LINGO2: variants seen among roughly 807,000 people sequenced by gnomAD.
The protein encoded by LINGO2 is leucine-rich repeat and immunoglobulin-like domain-containing nogo receptor-interacting protein 2.
LINGO2 carries 14 observed loss-of-function variants against 30.6 expected under a neutral mutation model. The ratio of observed to expected loss-of-function variants is 0.46; its 90% CI spans 0.30 to 0.72. The LOEUF is 0.72. LINGO2 is among the 30% of genes least tolerant of loss of function. The probability of loss-of-function intolerance (pLI) is 0.07; values close to 1 mark genes in which losing one functional copy is unlikely to be tolerated. For synonymous variants in LINGO2, 317 were observed against 288.5 expected (o/e 1.10, Z -1.00); for missense variants, 729 against 751.7 (o/e 0.97, Z 0.35).
chr9:29,031,990 A>G, the LINGO2 span, among the ~76,000 whole-genome samples: 1 of 152,158 alleles, frequency 6.6e-6, no homozygotes, highest in Non-Finnish European at 1.5e-5. Flanking sequence ...TTTGTCCCTC[A>G]AGGGCTTTCC....
chr9:29,074,272 A>G, the LINGO2 span, among the ~76,000 whole-genome samples: 1 of 150,822 alleles, frequency 6.6e-6, no homozygotes, highest in African/African-American at 2.4e-5. Flanking sequence ...AATAGATCAA[A>G]TGTTATCATC....
intron 4 of LINGO2, among the ~76,000 whole-genome samples, chr9:28,239,443 C>T (rs1181796170): frequency 6.6e-6 from 1 of 151,992 alleles, no homozygotes; most frequent in Non-Finnish European, 1.5e-5. Context: ...TCATCATGAC[C>T]AAGTAGGATT....
the LINGO2 span, among the ~76,000 whole-genome samples, chr9:28,718,179 A>G: frequency 8.3e-5 from 12 of 144,810 alleles, no homozygotes; most frequent in Admixed American, 6.2e-4. Flanking sequence ...AGTATAAAGG[A>G]AAAAAAAAAA....
downstream of LINGO2, among the ~76,000 whole-genome samples, chr9:27,947,367 T>A (rs1587501586): frequency 6.6e-6 from 1 of 152,234 alleles, no homozygotes; most frequent in East Asian, 1.9e-4. Context: ...TGGATAAGTA[T>A]CCTTGGGTCA....
chr9:29,204,258 C>T, the LINGO2 span, among the ~76,000 whole-genome samples: 2 of 152,180 alleles, frequency 1.3e-5, no homozygotes, highest in Non-Finnish European at 1.5e-5. Context: ...GCTGAATGCT[C>T]ACTAGGAACC....
intron 2 of LINGO2, among the ~76,000 whole-genome samples, chr9:28,455,123 T>C (rs867992611): frequency 1.3e-5 from 2 of 152,094 alleles, no homozygotes; most frequent in South Asian, 2.1e-4. Context: ...CTTCTGTTTG[T>C]CTTGTAGGAA....
chr9:28,962,861 C>T, the LINGO2 span, among the ~76,000 whole-genome samples: 2 of 151,852 alleles, frequency 1.3e-5, no homozygotes, highest in African/African-American at 4.8e-5. Context: ...GATTTACCCA[C>T]ACATTCATTA....
intron 1 of LINGO2, among the ~76,000 whole-genome samples, chr9:28,630,848 G>T (rs1458538271): frequency 6.7e-6 from 1 of 149,348 alleles, no homozygotes; most frequent in East Asian, 2.0e-4. Flanking sequence ...GTAACCCTCA[G>T]AATCAAAACA....
At chr9:29,071,367 T>C in the LINGO2 span, among the ~76,000 whole-genome samples, 5 of 150,560 alleles carry the variant, frequency 3.3e-5, no homozygotes, top group Non-Finnish European at 5.9e-5. Context: ...AAAGTCATTT[T>C]AAATATATAA....
At chr9:28,460,820 T>TG (rs1825049295) in intron 2 of LINGO2, among the ~76,000 whole-genome samples, 2 of 151,812 alleles carry the variant, frequency 1.3e-5, no homozygotes, top group South Asian at 4.2e-4. Context: ...GGTTTGTGTG[T>TG]GGGGGGAGGG....
chr9:28,399,072 A>T (rs920235092), intron 2 of LINGO2, among the ~76,000 whole-genome samples: 3 of 152,200 alleles, frequency 2.0e-5, no homozygotes, highest in African/African-American at 7.2e-5. Context: ...CACCTCCTCC[A>T]TCATCAGTAG....
downstream of LINGO2, among the ~76,000 whole-genome samples, chr9:27,945,921 T>G (rs1271640517): frequency 6.6e-6 from 1 of 152,172 alleles, no homozygotes; most frequent in Admixed American, 6.5e-5. Context: ...TGAAAATATC[T>G]GGTCAATATA....
At chr9:28,053,599 C>T (rs1479070337) in intron 4 of LINGO2, among the ~76,000 whole-genome samples, 1 of 152,064 alleles carries the variant, frequency 6.6e-6, no homozygotes, top group Non-Finnish European at 1.5e-5. Flanking sequence ...TGTGGCCAGT[C>T]TCAGGGTTTG....
intron 3 of LINGO2, among the ~76,000 whole-genome samples, chr9:28,307,850 A>G (rs1259737747): frequency 6.6e-6 from 1 of 152,198 alleles, no homozygotes; most frequent in Non-Finnish European, 1.5e-5. Context: ...AGAGAATAAA[A>G]TACCTAGAAA....
chr9:28,573,107 G>T (rs905995435), intron 1 of LINGO2, among the ~76,000 whole-genome samples: 1 of 152,082 alleles, frequency 6.6e-6, no homozygotes, highest in Non-Finnish European at 1.5e-5. Context: ...GGAACTAACT[G>T]GATTGATTCT....
chr9:28,886,700 C>T, the LINGO2 span, among the ~76,000 whole-genome samples: 1 of 152,040 alleles, frequency 6.6e-6, no homozygotes, highest in Non-Finnish European at 1.5e-5. Flanking sequence ...TGTAATTTCC[C>T]ATAATTTATT....
At chr9:28,002,784 C>G (rs1449782998) in intron 5 of LINGO2, among the ~76,000 whole-genome samples, 6 of 146,554 alleles carry the variant, frequency 4.1e-5, no homozygotes, top group Non-Finnish European at 9.0e-5. Context: ...ATGGCACATT[C>G]TCCCCGTCAG....
intron 3 of LINGO2, among the ~76,000 whole-genome samples, chr9:28,296,317 A>G (rs1453808618): frequency 6.6e-6 from 1 of 152,190 alleles, no homozygotes; most frequent in Non-Finnish European, 1.5e-5. Context: ...AAAAACTATT[A>G]GATTTTTTAT....
intron 5 of LINGO2, among the ~76,000 whole-genome samples, chr9:28,009,532 C>T (rs1168526439): frequency 1.3e-5 from 2 of 151,566 alleles, no homozygotes; most frequent in Non-Finnish European, 2.9e-5. Context: ...ATAAAATAAC[C>T]CAATTAAAAA....
Sources: gnomAD v4.1 joint callset for allele counts (sites outside exome capture counted in the v4.1 genomes callset) on GRCh38, gnomAD v4.1.1 for gene constraint, MANE v1.5 for transcripts, NCBI Gene and HGNC (gene_info 2026-07-23, HGNC 2026-07-21) for gene names.